The following ANKHD1 variants were observed in gnomAD, a reference collection of about 807,000 sequenced individuals.
The protein encoded by ANKHD1 is ankyrin repeat and KH domain-containing protein 1.
A neutral mutation model predicts 230.5 loss-of-function variants in ANKHD1; 31 were observed. The ratio of observed to expected loss-of-function variants is 0.13; its 90% CI spans 0.10 to 0.18. The LOEUF (loss-of-function observed/expected upper bound fraction) is 0.18. Among genes scored for constraint, ANKHD1 ranks in the 10% least tolerant of loss-of-function variants. The probability of loss-of-function intolerance (pLI) is 1.00; values close to 1 mark genes in which losing one functional copy is unlikely to be tolerated. For synonymous variants in ANKHD1, 1,074 were observed against 1,117.6 expected, an observed-to-expected ratio of 0.96 and a Z score of 0.78; for missense variants, 2,256 against 3,071.3, an observed-to-expected ratio of 0.73 and a Z score of 6.27.
Position 140,528,026 on chromosome 5 carries a change from AT to A in ANKHD1, c.5237+6del. The stretch of plus-strand genomic sequence containing the variant: ...GCGAGAGAATGATCACAATAAGGTA[AT>A]TGTGCAAAATGTATACTGCTAGTTC... On this transcript the variant is annotated splice_donor_5th_base_variant and intron_variant, in intron 28 of 33. Coordinates refer to ENST00000360839, the MANE Select transcript of ANKHD1 (RefSeq NM_017747.3). The A allele has an allele frequency of 6.2e-7, 1 of 1,613,286 alleles. No individual in the cohort carries two copies. Among genetic ancestry groups the A allele is most frequent in the Non-Finnish European group, 8.5e-7 (1 of 1,179,526 alleles).
Position 140,509,733 on chromosome 5 carries a change from G to A in ANKHD1, c.3862G>A (p.Val1288Met), listed in dbSNP as rs748606581. 1 of 1,613,438 alleles carries A rather than the reference G, an allele frequency of 6.2e-7. No homozygotes were observed. The highest frequency in any genetic ancestry group is 8.5e-7 in the Non-Finnish European group (1 of 1,179,874). The change falls in exon 21 of 34, where the codon GTG (valine) becomes ATG (methionine). Residue 1288 changes from valine (V) to methionine (M), a missense_variant. Val to Met is a conservative substitution (Grantham distance 21). This residue lies in a region of ANKHD1 where 195 missense variants were observed against 340.3 expected (regional missense o/e 0.57). Coordinates refer to ENST00000360839, the MANE Select transcript of ANKHD1 (RefSeq NM_017747.3). ...DKGADVNAPP[V>M]PSSRDTALTI... ...AGGAGCAGATGTTAATGCTCCCCCT[G>A]TGCCTTCCTCAAGAGATACTGCTTT...
intron 1 of ANKHD1, among the ~76,000 whole-genome samples, chr5:140,411,813 T>C (rs1770948634): frequency 6.6e-6 from 1 of 151,496 alleles, no homozygotes; most frequent in South Asian, 2.1e-4. Context: ...CTTGAGCCAC[T>C]GTGCCTGGCC....
intron 15 of ANKHD1, chr5:140,497,974 G>GA (rs1752113448): frequency 6.6e-6 from 1 of 151,246 alleles, no homozygotes; most frequent in Admixed American, 6.6e-5. Flanking sequence ...TTGTTGTGTG[G>GA]AAAATTACAA....
intron 10 of ANKHD1, among the ~76,000 whole-genome samples, chr5:140,465,702 G>A (rs1349624231): frequency 6.6e-6 from 1 of 152,160 alleles, no homozygotes; most frequent in Non-Finnish European, 1.5e-5. Context: ...TAAATGTGTA[G>A]TATGATTGTT....
Position 140,538,949 on chromosome 5 carries a change from A to G in ANKHD1, c.7435A>G (p.Ile2479Val), listed in dbSNP as rs375982459. ...GLPISMYGGT[I>V]IPSHPQLADV... ...GCCAATTTCCATGTATGGAGGCACC[A>G]TAATACCCTCTCATCCTCAGCTTGC... is the stretch of plus-strand genomic sequence containing the variant. The change falls in exon 33 of 34, where the codon ATA becomes GTA. Residue 2479 changes from isoleucine (I) to valine (V), a missense_variant. Transcript: ENST00000360839. The G allele has an allele frequency of 1.7e-4, 270 of 1,604,370 alleles. 2 individuals are homozygous for G. In the South Asian group the frequency reaches 2.8e-3, roughly 17 times the overall value.
At chr5:140,523,375 T>A (rs1054983538) in intron 24 of ANKHD1, among the ~76,000 whole-genome samples, 1 of 152,122 alleles carries the variant, frequency 6.6e-6, no homozygotes, top group Non-Finnish European at 1.5e-5. Flanking sequence ...CCCAAAGTGC[T>A]TGTATTACAG....
chr5:140,460,308 C>T (rs1293895377), intron 9 of ANKHD1, among the ~76,000 whole-genome samples: 1 of 151,552 alleles, frequency 6.6e-6, no homozygotes. Flanking sequence ...TAAATATATT[C>T]TTTGAAAATA....
intron 15 of ANKHD1, among the ~76,000 whole-genome samples, chr5:140,500,771 A>T (rs1383077591): frequency 1.3e-5 from 2 of 151,978 alleles, no homozygotes; most frequent in Admixed American, 1.3e-4. Flanking sequence ...ATATGCATGC[A>T]TATGTGTCAA....
At chr5:140,435,771 G>A (rs1773401250) in intron 1 of ANKHD1, among the ~76,000 whole-genome samples, 1 of 152,030 alleles carries the variant, frequency 6.6e-6, no homozygotes, top group East Asian at 1.9e-4. Context: ...CTGAGCTCAA[G>A]CGATCTGCCT....
At chr5:140,498,887 C>G (rs1752155172) in intron 15 of ANKHD1, among the ~76,000 whole-genome samples, 1 of 150,208 alleles carries the variant, frequency 6.7e-6, no homozygotes, top group Non-Finnish European at 1.5e-5. Flanking sequence ...AGAAATAGCT[C>G]TAAAAGGAAC....
chr5:140,441,423 A>G (rs935051593), intron 5 of ANKHD1, among the ~76,000 whole-genome samples: 1 of 152,196 alleles, frequency 6.6e-6, no homozygotes, highest in Admixed American at 6.5e-5. Context: ...TTGCCACAAC[A>G]TGGATGGACC....
At chr5:140,532,841 C>CT (rs1753893237) in intron 29 of ANKHD1, 1 of 422,054 alleles carries the variant, frequency 2.4e-6, no homozygotes, top group Non-Finnish European at 4.7e-6. Flanking sequence ...GGCATGGTGG[C>CT]TCACGCCTGT....
intron 1 of ANKHD1, among the ~76,000 whole-genome samples, chr5:140,420,950 T>C (rs1581219436): frequency 6.6e-6 from 1 of 152,220 alleles, no homozygotes; most frequent in East Asian, 1.9e-4. Context: ...CATAACATTC[T>C]AGCTCTTGAA....
chr5:140,489,354 G>A (rs937032383), intron 14 of ANKHD1, among the ~76,000 whole-genome samples: 1 of 152,028 alleles, frequency 6.6e-6, no homozygotes, highest in African/African-American at 2.4e-5. Flanking sequence ...GCCAGTCATG[G>A]TTGCCTGTGC....
intron 10 of ANKHD1, among the ~76,000 whole-genome samples, chr5:140,471,078 A>G (rs1776459338): frequency 6.6e-6 from 1 of 152,192 alleles, no homozygotes; most frequent in African/African-American, 2.4e-5. Context: ...CTGAAAATCC[A>G]AAATCTGAAA....
At chr5:140,513,751 G>C (rs1162129445) in intron 24 of ANKHD1, among the ~76,000 whole-genome samples, 2 of 150,004 alleles carry the variant, frequency 1.3e-5, no homozygotes, top group East Asian at 3.9e-4. Context: ...AGAGGTTGCA[G>C]TGAGTCGAGA....
At chr5:140,524,867 G>A in intron 25 of ANKHD1, 1 of 193,656 alleles carries the variant, frequency 5.2e-6, no homozygotes, top group Non-Finnish European at 1.1e-5. Flanking sequence ...ACTTTGGGAG[G>A]CCGAGAGCGG....
intron 10 of ANKHD1, among the ~76,000 whole-genome samples, chr5:140,469,005 A>G (rs937950177): frequency 6.6e-6 from 1 of 152,144 alleles, no homozygotes; most frequent in African/African-American, 2.4e-5. Flanking sequence ...CTGTTCAAAA[A>G]TCCTGAACCA....
chr5:140,513,496 A>C lies in ANKHD1; in HGVS notation c.4317+17A>C. 1 of 1,608,286 alleles carries C rather than the reference A, an allele frequency of 6.2e-7. No individual in the cohort carries two copies. The highest frequency in any genetic ancestry group is 8.5e-7 in the Non-Finnish European group (1 of 1,177,054). On this transcript the variant is annotated intron_variant, in intron 24 of 33. Transcript: ENST00000360839. ...CTGGAAAAGGTGAGTGGGAAAAATA[A>C]TTTTCCTTTTTAGAAATTATTGAGG...
Sources: allele counts gnomAD v4.1 joint callset (sites outside exome capture counted in the v4.1 genomes callset), GRCh38; gene constraint gnomAD v4.1.1; regional missense constraint gnomAD v4.1.1; transcripts MANE v1.5; gene names NCBI Gene and HGNC (gene_info 2026-07-23, HGNC 2026-07-21).